The following LRRC37A2 variants were observed in gnomAD, a reference collection of about 807,000 sequenced individuals.
The protein encoded by LRRC37A2 is leucine rich repeat containing 37 member A2, also known as leucine-rich repeat-containing protein 37A2.
A neutral mutation model predicts 68.8 loss-of-function variants in LRRC37A2; 9 were observed. The observed-to-expected ratio is 0.13, with a 90% CI of 0.08 to 0.23. The LOEUF (loss-of-function observed/expected upper bound fraction) is 0.23, where lower values mean the gene tolerates loss of function less well. Among genes scored for constraint, LRRC37A2 ranks in the 10% least tolerant of loss-of-function variants. LRRC37A2 has a pLI of 1.00. For synonymous variants in LRRC37A2, 63 were observed against 367.6 expected (o/e 0.17, Z 9.48); for missense variants, 168 against 950.4 (o/e 0.18, Z 10.82).
the LRRC37A2 span, chr17:46,833,088 A>T: frequency 8.4e-6 from 3 of 355,324 alleles, no homozygotes; most frequent in South Asian, 6.4e-5. Context: ...CACAGCCAGG[A>T]AAGAGCAAAA....
At chr17:46,851,604 G>C in the LRRC37A2 span, 2 of 1,202,544 alleles carry the variant, frequency 1.7e-6, no homozygotes, top group Non-Finnish European at 2.1e-6. The surrounding 1 kb of genome is among the most constrained non-coding windows in gnomAD (Gnocchi z 4.3). Context: ...TGAGCGGCGC[G>C]AGGAGATGCT....
At chr17:46,729,633 C>A in the LRRC37A2 span, among the ~76,000 whole-genome samples, 20 of 152,106 alleles carry the variant, frequency 1.3e-4, no homozygotes, top group Admixed American at 1.3e-3. Flanking sequence ...CATGCTGTAA[C>A]CTTGAAAAAT....
At chr17:46,966,371 C>T in the LRRC37A2 span, among the ~76,000 whole-genome samples, 2 of 152,316 alleles carry the variant, frequency 1.3e-5, no homozygotes, top group Middle Eastern at 3.4e-3. Context: ...GTGTGACCTC[C>T]TCACACCTCT....
the LRRC37A2 span, among the ~76,000 whole-genome samples, chr17:46,774,657 C>A: frequency 6.6e-6 from 1 of 152,262 alleles, no homozygotes; most frequent in Non-Finnish European, 1.5e-5. Context: ...TCAATTCACT[C>A]CATTCCTCTG....
chr17:46,720,346 G>A, the LRRC37A2 span, among the ~76,000 whole-genome samples: 7 of 152,214 alleles, frequency 4.6e-5, no homozygotes, highest in East Asian at 3.9e-4. Context: ...AAGGAGGCTG[G>A]TGCAGAACTT....
the LRRC37A2 span, among the ~76,000 whole-genome samples, chr17:46,500,062 TAC>T: frequency 6.9e-6 from 1 of 144,790 alleles, no homozygotes; most frequent in Non-Finnish European, 1.5e-5. Flanking sequence ...AATCAGGTGG[TAC>T]AGAGTCTGTG....
chr17:46,893,365 A>G, the LRRC37A2 span, among the ~76,000 whole-genome samples: 5,229 of 152,164 alleles, frequency 0.034, 104 homozygotes, highest in Middle Eastern at 0.065. Context: ...GGGGTCCTTT[A>G]TGGACTTCTG....
At chr17:46,880,683 G>A in the LRRC37A2 span, among the ~76,000 whole-genome samples, 1 of 152,178 alleles carries the variant, frequency 6.6e-6, no homozygotes, top group Non-Finnish European at 1.5e-5. Context: ...AGTGGGGCCA[G>A]GATTGGAACA....
At chr17:46,744,679 A>C in the LRRC37A2 span, among the ~76,000 whole-genome samples, 1 of 152,148 alleles carries the variant, frequency 6.6e-6, no homozygotes, top group East Asian at 1.9e-4. Context: ...ATTGGGTCCA[A>C]TCAATGGGCA....
chr17:46,758,034 A>G, the LRRC37A2 span, among the ~76,000 whole-genome samples: 2 of 152,106 alleles, frequency 1.3e-5, no homozygotes, highest in African/African-American at 4.8e-5. Flanking sequence ...TACCTAAGCC[A>G]CAAACAAGGT....
At chr17:46,935,960 G>T in the LRRC37A2 span, 2 of 985,704 alleles carry the variant, frequency 2.0e-6, no homozygotes, top group East Asian at 2.3e-4. Flanking sequence ...ACAGTCACTC[G>T]GAAGTGTGAG....
the LRRC37A2 span, among the ~76,000 whole-genome samples, chr17:46,793,194 A>G: frequency 7.1e-6 from 1 of 141,344 alleles, no homozygotes; most frequent in African/African-American, 2.6e-5. Flanking sequence ...GGATTGCTTG[A>G]GCCCAGGAGG....
chr17:46,787,692 G>A, the LRRC37A2 span, among the ~76,000 whole-genome samples: 1 of 152,198 alleles, frequency 6.6e-6, no homozygotes, highest in African/African-American at 2.4e-5. Context: ...GGTGGCTCAC[G>A]CCTGTATTCC....
the LRRC37A2 span, among the ~76,000 whole-genome samples, chr17:46,961,499 C>T: frequency 2.6e-5 from 4 of 152,080 alleles, no homozygotes; most frequent in Non-Finnish European, 2.9e-5. Flanking sequence ...CACGCCATTG[C>T]ACTCCAGCCT....
rs1437522174 is a variant in LRRC37A2, at chr17:46,543,341, C to CA, written c.3053+2463dup. ...GTATACCTCAGGTCATTTACAGTCT[C>CA]AAAGATTTGTCAGTATACTTTAAAA... On this transcript the variant is annotated intron_variant, in intron 8 of 14. Coordinates refer to ENST00000576629, the Ensembl canonical transcript of LRRC37A2. Among the ~76,000 whole-genome samples, 3 of 150,590 alleles carry CA rather than the reference C, an allele frequency of 2.0e-5. No homozygotes were observed. The South Asian group carries it at 6.2e-4, about 31-fold the overall frequency.
chr17:46,920,271 T>C, the LRRC37A2 span, among the ~76,000 whole-genome samples: 1 of 152,238 alleles, frequency 6.6e-6, no homozygotes, highest in Non-Finnish European at 1.5e-5. Context: ...TTTGTATCAA[T>C]TGTAGCATGT....
At chr17:46,602,884 CT>C in the LRRC37A2 span, among the ~76,000 whole-genome samples, 2 of 106,844 alleles carry the variant, frequency 1.9e-5, no homozygotes, top group Admixed American at 2.1e-4. Flanking sequence ...ACATTTGCTT[CT>C]GAACATCTTA....
chr17:46,714,598 A>G, the LRRC37A2 span, among the ~76,000 whole-genome samples: 2 of 152,166 alleles, frequency 1.3e-5, no homozygotes, highest in Non-Finnish European at 2.9e-5. Flanking sequence ...CTGTAAGACC[A>G]TTTGGTCCAT....
the LRRC37A2 span, among the ~76,000 whole-genome samples, chr17:46,752,487 G>A: frequency 2.0e-4 from 30 of 152,078 alleles, no homozygotes; most frequent in Non-Finnish European, 3.7e-4. Context: ...ACAGGGTCTC[G>A]CTCTGTCTCC....
Sources: allele counts gnomAD v4.1 joint callset (sites outside exome capture counted in the v4.1 genomes callset), GRCh38; gene constraint gnomAD v4.1.1; non-coding constraint Gnocchi (gnomAD v3.1); transcripts MANE v1.5; gene names NCBI Gene and HGNC (gene_info 2026-07-23, HGNC 2026-07-21).